TTBK2: variants seen among roughly 807,000 people sequenced by gnomAD.
TTBK2 encodes tau-tubulin kinase 2.
TTBK2 carries 28 observed loss-of-function variants against 110.8 expected under a neutral mutation model. The observed-to-expected ratio is 0.25, with a 90% CI of 0.19 to 0.35. TTBK2 has a LOEUF of 0.35. TTBK2 is among the 10% of genes least tolerant of loss of function. The pLI is 1.00. For synonymous variants in TTBK2, 532 were observed against 527.3 expected, an observed-to-expected ratio of 1.01 and a Z score of -0.12; for missense variants, 1,369 against 1,500.3, an observed-to-expected ratio of 0.91 and a Z score of 1.45.
At position 42,753,197 on chromosome 15, in the gene TTBK2, G is replaced by C; in HGVS notation, c.2049C>G (p.Ser683Arg). The change falls in exon 14 of 15, where the codon AGC (serine) becomes AGG (arginine). Residue 683 changes from serine to arginine, a missense_variant. Around this residue, in one of 4 missense-constraint regions of TTBK2, gnomAD observed 1,097 missense variants for 1,114.7 expected, o/e 0.98. Coordinates refer to ENST00000267890, the MANE Select transcript of TTBK2 (RefSeq NM_173500.4). ...SVASTQSTSG[S>R]FHCGQQPEKK... ...TCTCTGGCTGCTGACCACAGTGAAAGCTTCCTGAAGTTGACTGTGTAGATG... is the reference window on the plus strand; with the variant it reads ...TCTCTGGCTGCTGACCACAGTGAAACCTTCCTGAAGTTGACTGTGTAGATG... The C allele has an allele frequency of 6.2e-7, 1 of 1,612,186 alleles. No homozygotes were observed. Among genetic ancestry groups the C allele is most frequent in the Non-Finnish European group, 8.5e-7 (1 of 1,179,582 alleles).
At chr15:42,909,222 G>T (rs2030601444) in intron 1 of TTBK2, among the ~76,000 whole-genome samples, 1 of 152,190 alleles carries the variant, frequency 6.6e-6, no homozygotes, top group Non-Finnish European at 1.5e-5. Flanking sequence ...ACACACTACA[G>T]TCTCAAAGTC....
Position 42,815,941 on chromosome 15 carries a change from TATATATTTAAAAAAAAA to T in TTBK2, c.603+1074_603+1090del, listed in dbSNP as rs1212475060. 3.9e-3 allele frequency among the ~76,000 whole-genome samples: 109 copies of T among 27,782 alleles called. 2 individuals are homozygous for T. Among genetic ancestry groups the T allele is most frequent in the African/African-American group, 0.012 (70 of 5,986 alleles). The allele number at this position is 27,782 out of a possible 152,430, so 18.2% of individuals were successfully genotyped here. On this transcript the variant is annotated intron_variant, in intron 7 of 14. Transcript: ENST00000267890. ...ATATATATATTTAAAAATATATATA[TATATATTTAAAAAAAAA>T]ATATATATATATATATATATTTGAG... is the stretch of plus-strand genomic sequence containing the variant.
At chr15:42,765,472 C>T (rs1012658299) in intron 13 of TTBK2, among the ~76,000 whole-genome samples, 1 of 152,144 alleles carries the variant, frequency 6.6e-6, no homozygotes, top group South Asian at 2.1e-4. Context: ...ATGATGCATG[C>T]ACAAGCTTCA....
chr15:42,845,901 C>G (rs1893439583), intron 3 of TTBK2, among the ~76,000 whole-genome samples: 1 of 152,070 alleles, frequency 6.6e-6, no homozygotes, highest in Non-Finnish European at 1.5e-5. Context: ...GTATTGCATA[C>G]TATAGACAGT....
chr15:42,815,929 A>T (rs1267726720), intron 7 of TTBK2, among the ~76,000 whole-genome samples: 1 of 49,070 alleles, frequency 2.0e-5, no homozygotes, highest in African/African-American at 1.6e-4. Context: ...TATATATTTA[A>T]AAATATATAT....
intron 9 of TTBK2, among the ~76,000 whole-genome samples, chr15:42,796,623 TAAG>T (rs1245093298): frequency 6.6e-6 from 1 of 152,230 alleles, no homozygotes. Context: ...ACCATTTCAC[TAAG>T]GAGGATGATC....
chr15:42,781,341 A>G (rs1358250247), intron 11 of TTBK2, among the ~76,000 whole-genome samples: 2 of 152,228 alleles, frequency 1.3e-5, no homozygotes, highest in Non-Finnish European at 2.9e-5. Context: ...TATTCAGAAC[A>G]GAATGAGAAT....
At chr15:42,761,784 C>CA (rs573231466) in intron 13 of TTBK2, among the ~76,000 whole-genome samples, 18 of 152,104 alleles carry the variant, frequency 1.2e-4, no homozygotes, top group Non-Finnish European at 2.4e-4. Flanking sequence ...ATCAAAAAGA[C>CA]AAAAAAATAA....
rs756796072 is a variant in TTBK2, at chr15:42,753,114, A to T, written c.2132T>A (p.Phe711Tyr). The T allele has an allele frequency of 6.3e-7, 1 of 1,597,978 alleles. No individual in the cohort carries two copies. Among genetic ancestry groups the T allele is most frequent in the South Asian group, 1.1e-5 (1 of 87,940 alleles). The change falls in exon 14 of 15, where the codon TTC (phenylalanine) becomes TAC (tyrosine). Residue 711 changes from phenylalanine to tyrosine, a missense_variant. Coordinates refer to ENST00000267890, the MANE Select transcript of TTBK2 (RefSeq NM_173500.4). ...TVELYSPRENFSGLVVTEGEP... is the reference protein window; with the variant it reads ...TVELYSPRENYSGLVVTEGEP... ...ACCCTCTGTCACAACCAAGCCAGAGAAGTTTTCCCTTGGAGAGTAAAGTTC... is the reference window on the plus strand; with the variant it reads ...ACCCTCTGTCACAACCAAGCCAGAGTAGTTTTCCCTTGGAGAGTAAAGTTC...
At chr15:42,817,985 T>C (rs1238785669) in intron 6 of TTBK2, among the ~76,000 whole-genome samples, 2 of 152,204 alleles carry the variant, frequency 1.3e-5, no homozygotes, top group African/African-American at 4.8e-5. Context: ...ACTCTATTCT[T>C]TTACTCTGCT....
intron 14 of TTBK2, among the ~76,000 whole-genome samples, chr15:42,747,259 T>C (rs189033559): frequency 6.6e-6 from 1 of 152,256 alleles, no homozygotes; most frequent in East Asian, 1.9e-4. Context: ...TGAACCGTAG[T>C]GCCCCGGCCC....
chr15:42,781,460 T>C (rs1890175411), intron 11 of TTBK2, among the ~76,000 whole-genome samples: 1 of 152,178 alleles, frequency 6.6e-6, no homozygotes, highest in Non-Finnish European at 1.5e-5. Flanking sequence ...TTTCTTGAGG[T>C]AGGATTTAGA....
chr15:42,855,452 T>C (rs1205132642), intron 3 of TTBK2, among the ~76,000 whole-genome samples: 1 of 152,186 alleles, frequency 6.6e-6, no homozygotes, highest in African/African-American at 2.4e-5. Context: ...AATACTCTGC[T>C]GTGCCAGAAA....
At chr15:42,799,349 G>A (rs1194082440) in intron 9 of TTBK2, among the ~76,000 whole-genome samples, 8 of 151,950 alleles carry the variant, frequency 5.3e-5, no homozygotes, top group African/African-American at 1.7e-4. Context: ...CAGCCTGGGC[G>A]ACAGAGTGAG....
chr15:42,755,442 T>C (rs889208306), intron 13 of TTBK2, among the ~76,000 whole-genome samples: 19 of 152,176 alleles, frequency 1.2e-4, no homozygotes. Context: ...AGGAATACTA[T>C]TAGTTGGACA....
At chr15:42,795,955 T>C (rs1890920813) in intron 9 of TTBK2, among the ~76,000 whole-genome samples, 1 of 151,988 alleles carries the variant, frequency 6.6e-6, no homozygotes, top group African/African-American at 2.4e-5. Context: ...GAGATTACTG[T>C]CAGCTGAACC....
intron 4 of TTBK2, among the ~76,000 whole-genome samples, chr15:42,832,468 A>G (rs1195362287): frequency 1.3e-5 from 2 of 152,248 alleles, no homozygotes; most frequent in Admixed American, 1.3e-4. Context: ...TGGTAAAAAC[A>G]TGCAGGTACG....
chr15:42,884,578 G>A (rs1895169819), intron 1 of TTBK2, among the ~76,000 whole-genome samples: 1 of 152,190 alleles, frequency 6.6e-6, no homozygotes, highest in Non-Finnish European at 1.5e-5. Context: ...TAGACGGCTG[G>A]TTGCCAGGGG....
intron 8 of TTBK2, 55 bp downstream of exon 8, chr15:42,811,633 C>G: frequency 7.0e-7 from 1 of 1,433,196 alleles, no homozygotes. Context: ...AATGTTTATT[C>G]AGCAGAAATT....
Sources: allele counts gnomAD v4.1 joint callset (sites outside exome capture counted in the v4.1 genomes callset), GRCh38; gene constraint gnomAD v4.1.1; regional missense constraint gnomAD v4.1.1; transcripts MANE v1.5; gene names NCBI Gene and HGNC (gene_info 2026-07-23, HGNC 2026-07-21).